The following KRT3 variants were observed in gnomAD, a reference collection of about 807,000 sequenced individuals.
KRT3 encodes keratin 3, also known as keratin, type II cytoskeletal 3.
A neutral mutation model predicts 45.8 loss-of-function variants in KRT3; 34 were observed. The ratio of observed to expected loss-of-function variants is 0.74; its 90% CI spans 0.57 to 0.99. KRT3 has a LOEUF of 0.99. Ranked by LOEUF, KRT3 falls within the 50% of genes least tolerant of loss-of-function variation. KRT3 has a pLI of 0.00. For synonymous variants in KRT3, 367 were observed against 329.0 expected (o/e 1.12, Z -1.25); for missense variants, 828 against 820.6 (o/e 1.01, Z -0.11).
At chr12:52,792,633 T>C (rs1185113239) in intron 4 of KRT3, 78 bp downstream of exon 4, 26 of 1,124,408 alleles carry the variant, frequency 2.3e-5, no homozygotes, top group Non-Finnish European at 2.7e-5. Flanking sequence ...CTGGGGCCTA[T>C]ATACCAAAAT....
chr12:52,793,414 G>A (rs75306284), intron 2 of KRT3, among the ~76,000 whole-genome samples, 191 bp from the exon 3 acceptor site: 2,716 of 152,186 alleles, frequency 0.018, 74 homozygotes, highest in African/African-American at 0.06. Flanking sequence ...CAGGCAAACT[G>A]TCTGGTTTTA....
intron 3 of KRT3, 62 bp from the exon 4 acceptor site, chr12:52,792,868 C>A: frequency 8.9e-7 from 1 of 1,123,168 alleles, no homozygotes; most frequent in Non-Finnish European, 1.3e-6. Flanking sequence ...ACCACAACTG[C>A]AGCAAGAAAG....
chr12:52,790,333 G>T lies in KRT3; in HGVS notation c.1596C>A (p.Ser532=), dbSNP rs1057130008. The T allele has an allele frequency of 5.6e-6, 9 of 1,594,904 alleles. No individual in the cohort carries two copies. The highest frequency in any genetic ancestry group is 6.8e-6 in the Non-Finnish European group (8 of 1,170,076). ...CTCCTCCATAGCCACCTGCGGAGGC[G>T]GAAGTCGTGCTGCTGCTGACCACGG... The part of the protein sequence containing the change: ...SISVVSSSTT[S]ASAGGYGGGY... The change falls in exon 9 of 9, where the codon TCC becomes TCA. Residue 532 remains serine, a synonymous_variant. Coordinates refer to ENST00000417996, the MANE Select transcript of KRT3 (RefSeq NM_057088.3).
Position 52,791,410 on chromosome 12 carries a change from G to T in KRT3, c.1331C>A (p.Thr444Lys). ...ATGCTGCTCGGCCTCGGCAATGGCCGTCTGCAGGTTGGCATTCTGGGGCAA... is the reference window on the plus strand; with the variant it reads ...ATGCTGCTCGGCCTCGGCAATGGCCTTCTGCAGGTTGGCATTCTGGGGCAA... The part of the protein sequence containing the change: ...GVKKQNANLQ[T>K]AIAEAEQHGE... The change falls in exon 7 of 9, where the codon ACG (threonine) becomes AAG (lysine). Residue 444 changes from threonine (T) to lysine (K), a missense_variant. Coordinates refer to ENST00000417996, the MANE Select transcript of KRT3 (RefSeq NM_057088.3). 1 of 1,614,180 alleles carries T rather than the reference G, an allele frequency of 6.2e-7. No individual in the cohort carries two copies. Among genetic ancestry groups the T allele is most frequent in the Non-Finnish European group, 8.5e-7 (1 of 1,179,996 alleles).
chr12:52,791,640 C>A, intron 6 of KRT3, 51 bp downstream of exon 6: 1 of 1,611,140 alleles, frequency 6.2e-7, no homozygotes. Context: ...GAGATCCTAG[C>A]CCCTGCCCCT....
chr12:52,794,192 A>C lies in KRT3; in HGVS notation c.785T>G (p.Leu262Arg). ...ENHINYLRSY[L>R]DNILGERGRL... ...CCCTCTCTCCCCGAGGATGTTGTCCAGGTAGCTCCGCAGGTAGTTGATGTG... is the reference window on the plus strand; with the variant it reads ...CCCTCTCTCCCCGAGGATGTTGTCCCGGTAGCTCCGCAGGTAGTTGATGTG... Residue 262 changes from leucine (L) to arginine (R), a missense_variant, in exon 2 of 9, where the codon CTG becomes CGG. By Grantham distance (102) the Leu-to-Arg change is moderately radical (BLOSUM62 -2). Transcript: ENST00000417996. 6.2e-7 allele frequency: 1 copy of C among 1,614,174 alleles called. No individual in the cohort carries two copies. Among genetic ancestry groups the C allele is most frequent in the African/African-American group, 1.3e-5 (1 of 75,048 alleles).
At position 52,790,063 on chromosome 12, in the gene KRT3, G is replaced by A; in HGVS notation, c.1866C>T (p.Ser622=). The A allele has an allele frequency of 6.5e-7, 1 of 1,539,830 alleles. No homozygotes were observed. The highest frequency in any genetic ancestry group is 8.7e-7 in the Non-Finnish European group (1 of 1,146,740). Residue 622 remains serine, a synonymous_variant, in exon 9 of 9, where the codon TCC becomes TCT. Coordinates refer to ENST00000417996, the MANE Select transcript of KRT3 (RefSeq NM_057088.3). ...CTCTTTATCTGGAGTAGCGCTGGGA[G>A]GACTGGGAGGACTGGGAGAACTTGA... ...GSIKFSQSSQ[S]SQRYSR
Position 52,794,248 on chromosome 12 carries a change from G to A in KRT3, c.729C>T (p.Gly243=). ...CAAAAAGAGGCTCAAGGTTGTTTGTGCCTGAGATGGAACTTGTGCCCTGCT... is the reference window on the plus strand; with the variant it reads ...CAAAAAGAGGCTCAAGGTTGTTTGTACCTGAGATGGAACTTGTGCCCTGCT... ...LQQQGTSSIS[G]TNNLEPLFEN... The change falls in exon 2 of 9, where the codon GGC becomes GGT. Residue 243 remains glycine, a synonymous_variant. Coordinates refer to ENST00000417996, the MANE Select transcript of KRT3 (RefSeq NM_057088.3). 1 of 1,614,182 alleles carries A rather than the reference G, an allele frequency of 6.2e-7. No individual in the cohort carries two copies. Among genetic ancestry groups the A allele is most frequent in the Non-Finnish European group, 8.5e-7 (1 of 1,179,986 alleles).
rs1205424650 is a variant in KRT3 at position 52,793,229 on chromosome 12, T to A, written c.867-6A>T. On this transcript the variant is annotated splice_polypyrimidine_tract_variant and splice_region_variant and intron_variant, in intron 2 of 8. Transcript: ENST00000417996. ...TATTGATTTCATCCTCATATCTGTG[T>A]GAATAAAAAAGAAACAGCTGAGTTT... The A allele has an allele frequency of 1.9e-6, 3 of 1,597,400 alleles. No homozygotes were observed. Among genetic ancestry groups the A allele is most frequent in the Non-Finnish European group, 2.6e-6 (3 of 1,170,728 alleles).
chr12:52,791,100 C>T, intron 7 of KRT3, 106 bp downstream of exon 7: 7 of 1,553,470 alleles, frequency 4.5e-6, no homozygotes, highest in Non-Finnish European at 6.1e-6. Flanking sequence ...ACCACAAGGC[C>T]TCTCTTTATA....
At chr12:52,792,628 G>A (rs1449706794) in intron 4 of KRT3, 83 bp downstream of exon 4, 6 of 1,072,520 alleles carry the variant, frequency 5.6e-6, no homozygotes, top group African/African-American at 1.6e-5. Flanking sequence ...GTCTTCTGGG[G>A]CCTATATACC....
intron 1 of KRT3, 97 bp downstream of exon 1, chr12:52,795,301 A>G (rs1016851242): frequency 1.4e-6 from 2 of 1,439,678 alleles, no homozygotes; most frequent in Non-Finnish European, 9.7e-7. Flanking sequence ...CTCACCCTCC[A>G]GTCTGGCCTA....
intron 1 of KRT3, among the ~76,000 whole-genome samples, chr12:52,794,591 T>C (rs1939597191): frequency 6.6e-6 from 1 of 152,248 alleles, no homozygotes; most frequent in Non-Finnish European, 1.5e-5. Context: ...GAATTATTGC[T>C]TGTTGTTCCT....
Position 52,794,222 on chromosome 12 carries a change from T to C in KRT3, c.755A>G (p.Glu252Gly). The change falls in exon 2 of 9, where the codon GAG becomes GGG. Residue 252 changes from glutamate to glycine, a missense_variant. By Grantham distance (98) the Glu-to-Gly change is moderately conservative (BLOSUM62 -2). Coordinates refer to ENST00000417996, the MANE Select transcript of KRT3 (RefSeq NM_057088.3). The part of the protein sequence containing the change: ...SGTNNLEPLF[E>G]NHINYLRSYL... ...GCTCCGCAGGTAGTTGATGTGATTC[T>C]CAAAAAGAGGCTCAAGGTTGTTTGT... is the stretch of plus-strand genomic sequence containing the variant. 2 of 1,614,154 alleles carry C rather than the reference T, an allele frequency of 1.2e-6. No individual in the cohort carries two copies. Among genetic ancestry groups the C allele is most frequent in the Non-Finnish European group, 1.7e-6 (2 of 1,180,020 alleles).
At chr12:52,790,752 TA>T in intron 8 of KRT3, 85 bp downstream of exon 8, 4 of 1,183,138 alleles carry the variant, frequency 3.4e-6, no homozygotes, top group Non-Finnish European at 3.7e-6. Flanking sequence ...TCCGTAAAAA[TA>T]TGTTTAAATT....
intron 6 of KRT3, 21 bp from the exon 7 acceptor site, chr12:52,791,447 G>A (rs1319550314): frequency 5.0e-6 from 8 of 1,612,330 alleles, no homozygotes; most frequent in African/African-American, 1.3e-5. Context: ...GGAGGTAGGA[G>A]GAATGAGCTC....
In KRT3 at chr12:52,790,958, G is replaced by A. The variant is rs562850897; in HGVS notation, c.1536-86C>T. ...GGACCAAGGGCATGAATAGCAACCA[G>A]AGCTGAACAGAGAAGCCTGGCAAAT... On this transcript the variant is annotated intron_variant, in intron 7 of 8. Transcript: ENST00000417996. The A allele has an allele frequency of 4.3e-5, 59 of 1,372,144 alleles. No individual in the cohort carries two copies. In the African/African-American group the frequency reaches 7.8e-4, roughly 18 times the overall value. The allele number at this position is 1,372,144 out of a possible 1,614,324, so 85.0% of individuals were successfully genotyped here.
Position 52,794,208 on chromosome 12 carries a change from A to G in KRT3, c.769T>C (p.Tyr257His). ...ATGTTGTCCAGGTAGCTCCGCAGGT[A>G]GTTGATGTGATTCTCAAAAAGAGGC... ...LEPLFENHIN[Y>H]LRSYLDNILG... The change falls in exon 2 of 9, where the codon TAC becomes CAC. Residue 257 changes from tyrosine (Y) to histidine (H), a missense_variant. Tyr to His is a moderately conservative substitution (Grantham distance 83, BLOSUM62 2). Transcript: ENST00000417996. The G allele has an allele frequency of 2.5e-6, 4 of 1,614,134 alleles. No homozygotes were observed. Among genetic ancestry groups the G allele is most frequent in the Non-Finnish European group, 3.4e-6 (4 of 1,180,004 alleles).
chr12:52,791,562 G>C (rs1243449254), intron 6 of KRT3, 129 bp downstream of exon 6: 1 of 1,449,316 alleles, frequency 6.9e-7, no homozygotes, highest in Non-Finnish European at 9.5e-7. Context: ...TCCATTTGTG[G>C]AGATACTGCC....
Sources: gnomAD v4.1 joint callset for allele counts (sites outside exome capture counted in the v4.1 genomes callset) on GRCh38, gnomAD v4.1.1 for gene constraint, MANE v1.5 for transcripts, NCBI Gene and HGNC (gene_info 2026-07-23, HGNC 2026-07-21) for gene names.